Variants in CASK observed in about 807,000 individuals in gnomAD.
CASK encodes the protein peripheral plasma membrane protein CASK.
CASK carries 4 observed loss-of-function variants against 82.9 expected under a neutral mutation model. The observed-to-expected ratio is 0.05, with a 90% CI of 0.02 to 0.11. CASK has a LOEUF of 0.11. Ranked by LOEUF, CASK falls within the 10% of genes least tolerant of loss-of-function variation. The pLI is 1.00. For missense variants in CASK, 358 were observed against 720.9 expected (o/e 0.50, Z 5.76); for synonymous variants, 259 against 253.5 (o/e 1.02, Z -0.20).
intron 1 of CASK, among the ~76,000 whole-genome samples, chrX:41,872,205 C>T (rs1258823461): frequency 8.9e-6 from 1 of 112,804 alleles, no homozygotes; most frequent in Non-Finnish European, 1.9e-5. Context: ...TGGCACTTTA[C>T]AGAAACAAGG....
At chrX:41,760,953 A>C (rs1450376904) in intron 3 of CASK, among the ~76,000 whole-genome samples, 1 of 111,557 alleles carries the variant, frequency 9.0e-6, no homozygotes, top group African/African-American at 3.3e-5. Context: ...CAAATCAGTC[A>C]TAACCATTGC....
intron 5 of CASK, among the ~76,000 whole-genome samples, chrX:41,734,241 A>G (rs2068458321): frequency 8.9e-6 from 1 of 112,004 alleles, no homozygotes. Flanking sequence ...CTTCAACTTC[A>G]GTTATTAGAA....
In CASK at chrX:41,623,338, ACTT is replaced by A. The variant is rs775187510; in HGVS notation, c.1016-707_1016-705del. Reference sequence around the variant, plus strand: ...TAAACAATATACCTAAACATGTTTGACTTCTTATTAGATGACAAGTTTTTAAAC... The same window carrying A: ...TAAACAATATACCTAAACATGTTTGACTTATTAGATGACAAGTTTTTAAAC... On this transcript the variant is annotated intron_variant, in intron 10 of 26. Coordinates refer to ENST00000378163, the MANE Select transcript of CASK (RefSeq NM_001367721.1). 2.0e-3 allele frequency among the ~76,000 whole-genome samples: 230 copies of A among 112,611 alleles called. 1 individual carries two copies. Among genetic ancestry groups the A allele is most frequent in the African/African-American group, 7.0e-3 (218 of 31,058 alleles).
At chrX:41,679,538 T>C (rs753632666) in intron 5 of CASK, among the ~76,000 whole-genome samples, 1 of 112,451 alleles carries the variant, frequency 8.9e-6, no homozygotes, top group African/African-American at 3.2e-5. Flanking sequence ...CTATTTCTAG[T>C]TTTTGGATAT....
At chrX:41,832,749 A>G (rs2070849150) in intron 2 of CASK, among the ~76,000 whole-genome samples, 1 of 112,206 alleles carries the variant, frequency 8.9e-6, no homozygotes, top group South Asian at 3.7e-4. Context: ...ATGTTATTTC[A>G]TATATATTGT....
intron 5 of CASK, chrX:41,696,961 A>G: frequency 3.0e-6 from 1 of 335,067 alleles, no homozygotes; most frequent in East Asian, 4.4e-5. Context: ...TCTGTATGTA[A>G]AATCTTTTCA....
At chrX:41,874,531 G>A (rs12559219) in intron 1 of CASK, among the ~76,000 whole-genome samples, 8,943 of 111,735 alleles carry the variant, frequency 0.08, 363 homozygotes, top group Non-Finnish European at 0.12. Flanking sequence ...GTATTCTATG[G>A]TGTATATGTA....
At chrX:41,669,680 CCATCAGTGCTATGTAG>C (rs1602437755) in intron 6 of CASK, among the ~76,000 whole-genome samples, 1 of 111,710 alleles carries the variant, frequency 9.0e-6, no homozygotes, top group African/African-American at 3.3e-5. Flanking sequence ...TCAGTATGAA[CCATCAGTGCTATGTAG>C]TTGTCCAAAA....
intron 21 of CASK, 123 bp from the exon 22 acceptor site, chrX:41,542,929 A>C: frequency 4.3e-6 from 2 of 467,463 alleles, no homozygotes; most frequent in Non-Finnish European, 7.2e-6. Context: ...CTAATCTTTT[A>C]AAAAATTTGG....
intron 12 of CASK, among the ~76,000 whole-genome samples, chrX:41,590,510 C>CAAAAAAAAAAA (rs763695085): frequency 3.2e-5 from 1 of 31,319 alleles, no homozygotes; most frequent in Non-Finnish European, 5.3e-5. Context: ...ATTCCGTCTC[C>CAAAAAAAAAAA]AAAAAAAAAA....
chrX:41,541,553 G>A (rs778065315), intron 22 of CASK, among the ~76,000 whole-genome samples: 105 of 112,465 alleles, frequency 9.3e-4, no homozygotes, highest in African/African-American at 3.2e-3. Context: ...TAACTAATGC[G>A]AAGGGAATGA....
chrX:41,649,570 T>C (rs1426275560), intron 8 of CASK, among the ~76,000 whole-genome samples: 1 of 106,332 alleles, frequency 9.4e-6, no homozygotes, highest in Non-Finnish European at 2.0e-5. Flanking sequence ...CAGTTTTGAG[T>C]GAGTTTCTTC....
intron 5 of CASK, chrX:41,675,950 A>T (rs2067258327): frequency 8.3e-7 from 1 of 1,208,057 alleles, no homozygotes; most frequent in Middle Eastern, 3.2e-4. Flanking sequence ...TGGGGAGTTC[A>T]GAATCTCATA....
chrX:41,669,162 C>T (rs1044489723), intron 6 of CASK, among the ~76,000 whole-genome samples: 5 of 111,548 alleles, frequency 4.5e-5, no homozygotes, highest in Non-Finnish European at 9.4e-5. Flanking sequence ...AAAAGGTGTG[C>T]TAAGAAATGA....
chrX:41,571,505 T>G (rs1323061509), intron 15 of CASK, among the ~76,000 whole-genome samples: 1 of 111,953 alleles, frequency 8.9e-6, no homozygotes, highest in African/African-American at 3.2e-5. Flanking sequence ...GTGATGCCCC[T>G]TCTCTCATGC....
intron 8 of CASK, among the ~76,000 whole-genome samples, chrX:41,659,059 A>G (rs2066988144): frequency 9.0e-6 from 1 of 110,883 alleles, no homozygotes; most frequent in South Asian, 3.9e-4. Flanking sequence ...AACCTATAGC[A>G]TGTTAGATCC....
intron 21 of CASK, among the ~76,000 whole-genome samples, chrX:41,549,277 A>G (rs1473150761): frequency 9.0e-6 from 1 of 111,451 alleles, no homozygotes; most frequent in Non-Finnish European, 1.9e-5. Flanking sequence ...CCCAGAGGCC[A>G]ATTCAGTTTC....
intron 5 of CASK, among the ~76,000 whole-genome samples, chrX:41,699,790 T>C (rs1164995422): frequency 9.0e-6 from 1 of 111,675 alleles, no homozygotes; most frequent in Non-Finnish European, 1.9e-5. Context: ...GAGAGAAATC[T>C]GATAACATGC....
chrX:41,805,291 G>A (rs1039690091), intron 2 of CASK, among the ~76,000 whole-genome samples: 1 of 111,800 alleles, frequency 8.9e-6, no homozygotes, highest in African/African-American at 3.2e-5. Context: ...GTTTTTTTGT[G>A]AGACTACTTC....
Sources: gnomAD v4.1 joint callset for allele counts (sites outside exome capture counted in the v4.1 genomes callset) on GRCh38, gnomAD v4.1.1 for gene constraint, MANE v1.5 for transcripts, NCBI Gene and HGNC (gene_info 2026-07-23, HGNC 2026-07-21) for gene names.